The following LBH variants were observed in gnomAD, a reference collection of about 807,000 sequenced individuals.
LBH encodes the protein protein LBH.
Under a neutral mutation model 12.5 loss-of-function variants are expected in LBH, and 7 were observed. The observed-to-expected ratio is 0.56, with a 90% CI of 0.32 to 1.05. The LOEUF is 1.05. Ranked by LOEUF, LBH falls within the 50% of genes least tolerant of loss-of-function variation. LBH has a pLI of 0.04. For missense variants in LBH, 119 were observed against 138.9 expected (o/e 0.86, Z 0.72); for synonymous variants, 51 against 50.1 (o/e 1.02, Z -0.08).
intron 2 of LBH, among the ~76,000 whole-genome samples, chr2:30,251,485 G>GGCAAAGGATGCCTCCA (rs1677977239): frequency 6.6e-6 from 1 of 151,244 alleles, no homozygotes; most frequent in Non-Finnish European, 1.5e-5. Flanking sequence ...GGATGCCTCC[G>GGCAAAGGATGCCTCCA]AAGAGGTGTC....
intron 1 of LBH, chr2:30,232,153 TTTTG>T (rs764319598): frequency 1.7e-4 from 256 of 1,537,032 alleles, no homozygotes; most frequent in Admixed American, 2.0e-4. Context: ...CTCTTTTTCT[TTTTG>T]TTTGCATGCA....
In LBH at chr2:30,257,672, T is replaced by C; in HGVS notation, c.*51T>C. The C allele has an allele frequency of 1.5e-6, 2 of 1,375,576 alleles. No homozygotes were observed. Among genetic ancestry groups the C allele is most frequent in the Non-Finnish European group, 2.0e-6 (2 of 1,012,248 alleles). The allele number at this position is 1,375,576 out of a possible 1,614,324, so 85.2% of individuals were successfully genotyped here. ...TACCAGCCAGCATCTGTTCCTGAAC[T>C]GTGTTTTTCCCATCATGACGGAAGA... On this transcript the variant is annotated 3_prime_UTR_variant, in exon 3 of 3. Coordinates refer to ENST00000395323, the MANE Select transcript of LBH (RefSeq NM_030915.4).
chr2:30,255,924 C>T (rs1239024635), intron 2 of LBH, among the ~76,000 whole-genome samples: 1 of 152,180 alleles, frequency 6.6e-6, no homozygotes, highest in African/African-American at 2.4e-5. Flanking sequence ...AGCTGTGTGA[C>T]CTTAGGCAGG....
At chr2:30,243,250 C>A (rs1454842844) in intron 2 of LBH, among the ~76,000 whole-genome samples, 1 of 152,208 alleles carries the variant, frequency 6.6e-6, no homozygotes, top group Non-Finnish European at 1.5e-5. Flanking sequence ...ATATTCTTGT[C>A]CCCTAGTAGG....
chr2:30,236,600 G>A (rs2103556160), intron 2 of LBH, among the ~76,000 whole-genome samples: 1 of 152,348 alleles, frequency 6.6e-6, no homozygotes, highest in African/African-American at 2.4e-5. Flanking sequence ...AGAGGAAAGG[G>A]AGATTGTAGT....
chr2:30,232,364 G>A (rs1677605454), intron 1 of LBH: 1 of 1,061,732 alleles, frequency 9.4e-7, no homozygotes, highest in Admixed American at 3.3e-5. Flanking sequence ...ACATTGGTGG[G>A]GGCCGGGACT....
chr2:30,256,230 G>C (rs1001203), intron 2 of LBH, among the ~76,000 whole-genome samples: 39,231 of 152,148 alleles, frequency 0.26, 5,366 homozygotes, highest in Middle Eastern at 0.33. Flanking sequence ...TGGGTTTGGA[G>C]TTTCTGCCAG....
At chr2:30,254,590 C>G (rs1678047197) in intron 2 of LBH, among the ~76,000 whole-genome samples, 1 of 151,862 alleles carries the variant, frequency 6.6e-6, no homozygotes, top group South Asian at 2.1e-4. Context: ...TCTTCGTCCT[C>G]TTCCTCCTCT....
chr2:30,234,518 C>A lies in LBH; in HGVS notation c.129+11C>A. The A allele has an allele frequency of 6.3e-7, 1 of 1,589,944 alleles. No homozygotes were observed. Among genetic ancestry groups the A allele is most frequent in the Non-Finnish European group, 8.6e-7 (1 of 1,158,072 alleles). On this transcript the variant is annotated intron_variant, in intron 2 of 2. Transcript: ENST00000395323. Reference sequence around the variant, plus strand: ...GGCCTTTCCTACCAGGTGAGTAAGTCCTGGCTCCCCTCTGACTCTCTAGAG... The same window carrying A: ...GGCCTTTCCTACCAGGTGAGTAAGTACTGGCTCCCCTCTGACTCTCTAGAG...
At chr2:30,241,275 G>A (rs1677783633) in intron 2 of LBH, among the ~76,000 whole-genome samples, 1 of 152,022 alleles carries the variant, frequency 6.6e-6, no homozygotes, top group Admixed American at 6.6e-5. Context: ...GGCAGATGGG[G>A]GTTAATAAGT....
At chr2:30,231,824 G>T in intron 1 of LBH, 60 bp downstream of exon 1, 17 of 1,478,458 alleles carry the variant, frequency 1.1e-5, no homozygotes, top group East Asian at 2.8e-5. Flanking sequence ...GGGCCCGGGC[G>T]CCTGCTTCGT....
chr2:30,242,906 G>A (rs1677813632), intron 2 of LBH, among the ~76,000 whole-genome samples: 1 of 152,150 alleles, frequency 6.6e-6, no homozygotes, highest in African/African-American at 2.4e-5. Context: ...ATAAGTTCCT[G>A]GAAGTAGAAT....
intron 1 of LBH, chr2:30,232,089 G>C: frequency 6.5e-7 from 1 of 1,534,278 alleles, no homozygotes; most frequent in African/African-American, 1.4e-5. Flanking sequence ...GAGAGCTGCA[G>C]GAGGCGCGCG....
intron 1 of LBH, 40 bp from the exon 2 acceptor site, chr2:30,234,365 C>T (rs369101900): frequency 6.3e-4 from 915 of 1,460,272 alleles, no homozygotes; most frequent in Non-Finnish European, 8.2e-4. Context: ...AATGTGAAAG[C>T]GCGTGTGTTT....
At chr2:30,235,276 GT>G (rs1677669896) in intron 2 of LBH, among the ~76,000 whole-genome samples, 1 of 152,174 alleles carries the variant, frequency 6.6e-6, no homozygotes, top group African/African-American at 2.4e-5. Context: ...CTGGTTTGGG[GT>G]TTTGGAGGAG....
intron 2 of LBH, among the ~76,000 whole-genome samples, chr2:30,249,123 C>A (rs1677928888): frequency 1.3e-5 from 2 of 151,196 alleles, no homozygotes; most frequent in Admixed American, 1.3e-4. Context: ...TCCTTCCCTG[C>A]ATCTAGTTAG....
intron 2 of LBH, among the ~76,000 whole-genome samples, chr2:30,237,351 G>C (rs183390928): frequency 6.6e-6 from 1 of 152,338 alleles, no homozygotes; most frequent in East Asian, 1.9e-4. Flanking sequence ...GATCTATCGA[G>C]AGTGAAGCTT....
rs921367016 is a variant in LBH, at chr2:30,259,213, A to C, written c.*1592A>C. 2 of 152,894 alleles carry C rather than the reference A, an allele frequency of 1.3e-5. No homozygotes were observed. Among genetic ancestry groups the C allele is most frequent in the African/African-American group, 2.4e-5 (1 of 41,440 alleles). 9.5% of individuals were successfully genotyped at this position (152,894 alleles called of 1,614,324 possible). A position where few individuals can be genotyped will look rare whatever the true frequency, so the allele number is the denominator to read the frequency against. On this transcript the variant is annotated 3_prime_UTR_variant, in exon 3 of 3. Transcript: ENST00000395323. ...TAGCTGTATTTAATACCTCAAGGTC[A>C]TTGTGGCTCTGGGGATGCCGGGGCA... is the stretch of plus-strand genomic sequence containing the variant.
At position 30,258,085 on chromosome 2, in the gene LBH, T is replaced by C. The variant is rs1678118718; in HGVS notation, c.*464T>C. ...TTTAAGAAAACATTGAGCAGAGAAC[T>C]GCAGCCAGGATGCGCTCAGCAGACA... On this transcript the variant is annotated 3_prime_UTR_variant, in exon 3 of 3. Transcript: ENST00000395323. The C allele has an allele frequency of 6.4e-6, 1 of 156,782 alleles. No homozygotes were observed. The highest frequency in any genetic ancestry group is 2.4e-5 in the African/African-American group (1 of 41,436). 9.7% of individuals were successfully genotyped at this position (156,782 alleles called of 1,614,324 possible).
Sources: gnomAD v4.1 joint callset for allele counts (sites outside exome capture counted in the v4.1 genomes callset) on GRCh38, gnomAD v4.1.1 for gene constraint, MANE v1.5 for transcripts, NCBI Gene and HGNC (gene_info 2026-07-23, HGNC 2026-07-21) for gene names.